ST6GALNAC3: variants seen among roughly 807,000 people sequenced by gnomAD.
ST6GALNAC3 encodes the protein alpha-N-acetylgalactosaminide alpha-2,6-sialyltransferase 3.
Under a neutral mutation model 32.7 loss-of-function variants are expected in ST6GALNAC3, and 25 were observed. That is an observed-to-expected ratio of 0.76 (90% confidence interval 0.56 to 1.07). The LOEUF (loss-of-function observed/expected upper bound fraction) is 1.07, where lower values mean the gene tolerates loss of function less well. Ranked by LOEUF, ST6GALNAC3 falls within the 50% of genes least tolerant of loss-of-function variation. The probability of loss-of-function intolerance (pLI) is 0.00; values close to 1 mark genes in which losing one functional copy is unlikely to be tolerated. For synonymous variants in ST6GALNAC3, 129 were observed against 133.1 expected (o/e 0.97, Z 0.21); for missense variants, 355 against 382.4 (o/e 0.93, Z 0.60).
chr1:76,483,503 G>T (rs1046626389), intron 3 of ST6GALNAC3, among the ~76,000 whole-genome samples: 16 of 152,098 alleles, frequency 1.1e-4, no homozygotes, highest in African/African-American at 3.9e-4. Flanking sequence ...TCATGTGTCT[G>T]TTGGCTGCAT....
intron 1 of ST6GALNAC3, among the ~76,000 whole-genome samples, chr1:76,194,388 T>C (rs1055999794): frequency 6.6e-6 from 1 of 152,146 alleles, no homozygotes; most frequent in Non-Finnish European, 1.5e-5. Context: ...ATTAAGGATC[T>C]CAAAAAGCTT....
chr1:76,540,447 A>G (rs559712480), intron 3 of ST6GALNAC3, among the ~76,000 whole-genome samples: 3 of 152,310 alleles, frequency 2.0e-5, no homozygotes, highest in East Asian at 1.9e-4. Flanking sequence ...ACAAGGCTGC[A>G]TCTTCTGCAC....
intron 1 of ST6GALNAC3, among the ~76,000 whole-genome samples, chr1:76,251,047 C>T (rs1657580534): frequency 6.6e-6 from 1 of 152,124 alleles, no homozygotes; most frequent in Non-Finnish European, 1.5e-5. Flanking sequence ...ACATAGAAAT[C>T]CCAGCAGCAC....
At chr1:76,327,946 A>C (rs1647110591) in intron 2 of ST6GALNAC3, among the ~76,000 whole-genome samples, 1 of 152,194 alleles carries the variant, frequency 6.6e-6, no homozygotes, top group Admixed American at 6.5e-5. Context: ...TTGACACATA[A>C]AATAAACCAT....
intron 3 of ST6GALNAC3, among the ~76,000 whole-genome samples, chr1:76,466,877 G>A (rs1018322759): frequency 2.0e-5 from 3 of 151,912 alleles, no homozygotes; most frequent in Non-Finnish European, 2.9e-5. Context: ...AGCAGACTTC[G>A]CTAAAATTGT....
intron 2 of ST6GALNAC3, among the ~76,000 whole-genome samples, chr1:76,336,868 C>T (rs1216323057): frequency 6.6e-6 from 1 of 152,182 alleles, no homozygotes; most frequent in African/African-American, 2.4e-5. Flanking sequence ...ATCCACATCG[C>T]CTGCCATCCT....
At chr1:76,580,059 G>A (rs1646870091) in intron 3 of ST6GALNAC3, among the ~76,000 whole-genome samples, 2 of 151,944 alleles carry the variant, frequency 1.3e-5, no homozygotes, top group African/African-American at 4.8e-5. Flanking sequence ...GTGTAGCCAA[G>A]GGAGGTTAAA....
At chr1:76,142,853 G>C in intron 1 of ST6GALNAC3, 2 of 452,694 alleles carry the variant, frequency 4.4e-6, no homozygotes, top group Non-Finnish European at 8.9e-6. Flanking sequence ...TTTTTCATCT[G>C]CTTCTGGATC....
chr1:76,357,275 CAGGCA>C (rs1649556826), intron 2 of ST6GALNAC3, among the ~76,000 whole-genome samples: 1 of 151,978 alleles, frequency 6.6e-6, no homozygotes, highest in South Asian at 2.1e-4. Flanking sequence ...TCTGGATTTA[CAGGCA>C]TACACCACCA....
At chr1:76,320,574 G>A (rs1646946838) in intron 2 of ST6GALNAC3, among the ~76,000 whole-genome samples, 1 of 152,066 alleles carries the variant, frequency 6.6e-6, no homozygotes, top group Non-Finnish European at 1.5e-5. Context: ...GACTTCCAGA[G>A]AAGGAAGTCA....
At position 76,284,431 on chromosome 1, in the gene ST6GALNAC3, C is replaced by T. The variant is rs567747115; in HGVS notation, c.19-29374C>T. ...GGAGAGATAGGCAAGTATGAATGAA[C>T]AGGTGGAATTTAGTTGTTTTCCAAA... On this transcript the variant is annotated intron_variant, in intron 1 of 4. Coordinates refer to ENST00000328299, the MANE Select transcript of ST6GALNAC3 (RefSeq NM_152996.4). Among the ~76,000 whole-genome samples, 19 of 152,226 alleles carry T rather than the reference C, an allele frequency of 1.2e-4. 1 individual carries two copies. In the South Asian group the frequency reaches 2.1e-3, roughly 17 times the overall value.
intron 1 of ST6GALNAC3, among the ~76,000 whole-genome samples, chr1:76,206,730 TA>T (rs1202803793): frequency 1.6e-3 from 234 of 144,220 alleles, no homozygotes; most frequent in Non-Finnish European, 1.9e-3. Flanking sequence ...AGACTCTGTC[TA>T]AAAAAAAAAA....
intron 3 of ST6GALNAC3, among the ~76,000 whole-genome samples, chr1:76,599,719 TGTGTG>T (rs1557614075): frequency 8.2e-3 from 293 of 35,900 alleles, no homozygotes; most frequent in Middle Eastern, 0.04. Flanking sequence ...TACCGTATCG[TGTGTG>T]TGTGTGTGTG....
intron 1 of ST6GALNAC3, among the ~76,000 whole-genome samples, chr1:76,261,593 G>T (rs1658239982): frequency 6.6e-6 from 1 of 152,180 alleles, no homozygotes; most frequent in Admixed American, 6.5e-5. Context: ...AGAAAAATGA[G>T]AAAAACAGTG....
chr1:76,435,662 A>C (rs1656088551), intron 3 of ST6GALNAC3, among the ~76,000 whole-genome samples: 1 of 152,114 alleles, frequency 6.6e-6, no homozygotes, highest in Non-Finnish European at 1.5e-5. Context: ...CCTAAAATTA[A>C]TGTTTCTTTT....
At chr1:76,251,946 A>G (rs1481427592) in intron 1 of ST6GALNAC3, among the ~76,000 whole-genome samples, 2 of 152,200 alleles carry the variant, frequency 1.3e-5, no homozygotes, top group Non-Finnish European at 2.9e-5. Flanking sequence ...GATTAAAACT[A>G]TGATTAAATC....
chr1:76,465,719 A>C (rs535160647), intron 3 of ST6GALNAC3, among the ~76,000 whole-genome samples: 1 of 151,810 alleles, frequency 6.6e-6, no homozygotes, highest in Non-Finnish European at 1.5e-5. Flanking sequence ...TTTTTTTTTT[A>C]AATGTAATTG....
At chr1:76,320,954 GTA>G (rs145883646) in intron 2 of ST6GALNAC3, among the ~76,000 whole-genome samples, 35,149 of 149,270 alleles carry the variant, frequency 0.24, 4,290 homozygotes, top group Admixed American at 0.3. Context: ...GTGTAAAATG[GTA>G]TATATATACA....
At chr1:76,508,102 A>G (rs1327836850) in intron 3 of ST6GALNAC3, among the ~76,000 whole-genome samples, 1 of 152,102 alleles carries the variant, frequency 6.6e-6, no homozygotes, top group African/African-American at 2.4e-5. Context: ...CTCGCCTTAG[A>G]TCAGCGGTTT....
Sources: gnomAD v4.1 joint callset for allele counts (sites outside exome capture counted in the v4.1 genomes callset) on GRCh38, gnomAD v4.1.1 for gene constraint, MANE v1.5 for transcripts, NCBI Gene and HGNC (gene_info 2026-07-23, HGNC 2026-07-21) for gene names.